Variants in SGCE observed in about 807,000 individuals in gnomAD.
SGCE encodes epsilon-sarcoglycan.
A neutral mutation model predicts 57.8 loss-of-function variants in SGCE; 26 were observed. The ratio of observed to expected loss-of-function variants is 0.45; its 90% CI spans 0.33 to 0.62. SGCE has a LOEUF of 0.62. Among genes scored for constraint, SGCE ranks in the 20% least tolerant of loss-of-function variants. SGCE has a pLI of 0.02. For synonymous variants in SGCE, 183 were observed against 189.5 expected (o/e 0.97, Z 0.28); for missense variants, 468 against 548.6 (o/e 0.85, Z 1.47).
At chr7:94,642,145 G>A (rs1281813131) in intron 1 of SGCE, among the ~76,000 whole-genome samples, 1 of 151,910 alleles carries the variant, frequency 6.6e-6, no homozygotes, top group South Asian at 2.1e-4. Flanking sequence ...AAAATCCACA[G>A]CACCCCCCAA....
At chr7:94,617,005 A>T (rs1170851001) in intron 5 of SGCE, 1 of 152,230 alleles carries the variant, frequency 6.6e-6, no homozygotes, top group Non-Finnish European at 1.5e-5. Context: ...ATCTGACGGC[A>T]TGTGCCACCC....
At chr7:94,643,013 A>AC (rs1806608302) in intron 1 of SGCE, among the ~76,000 whole-genome samples, 1 of 152,194 alleles carries the variant, frequency 6.6e-6, no homozygotes. Flanking sequence ...TTCTCCATGA[A>AC]CTGGGTAGTT....
At chr7:94,649,355 C>A (rs966535176) in intron 1 of SGCE, among the ~76,000 whole-genome samples, 1 of 152,134 alleles carries the variant, frequency 6.6e-6, no homozygotes, top group Non-Finnish European at 1.5e-5. Context: ...ATCATGCCAG[C>A]AACTAATGTT....
At chr7:94,626,543 T>A (rs1803741407) in intron 3 of SGCE, 1 of 152,060 alleles carries the variant, frequency 6.6e-6, no homozygotes, top group Non-Finnish European at 1.5e-5. Flanking sequence ...ATGCTATTCA[T>A]GTGTAGAAAT....
intron 1 of SGCE, among the ~76,000 whole-genome samples, chr7:94,640,578 G>A (rs1806241812): frequency 1.3e-5 from 2 of 152,112 alleles, no homozygotes; most frequent in South Asian, 4.2e-4. Flanking sequence ...TAAGTTCCTT[G>A]TGGATTCAGC....
chr7:94,616,154 T>C (rs1016024574), intron 5 of SGCE, among the ~76,000 whole-genome samples: 17 of 152,144 alleles, frequency 1.1e-4, no homozygotes, highest in Non-Finnish European at 1.8e-4. Context: ...TGCTGCAGGT[T>C]GGGCTCATGG....
At chr7:94,655,888 G>A in intron 1 of SGCE, 102 bp downstream of exon 1, 2 of 720,832 alleles carry the variant, frequency 2.8e-6, no homozygotes, top group African/African-American at 1.7e-5. Flanking sequence ...AAGAGAGGCT[G>A]GTGCCCAAAG....
intron 4 of SGCE, 186 bp from the exon 5 acceptor site, chr7:94,619,142 A>G (rs1025464702): frequency 1.0e-5 from 6 of 595,476 alleles, no homozygotes; most frequent in African/African-American, 9.3e-5. Flanking sequence ...GACATTAGAA[A>G]CAGAACTTTA....
intron 6 of SGCE, among the ~76,000 whole-genome samples, chr7:94,602,453 A>G (rs1799414099): frequency 1.3e-5 from 2 of 152,110 alleles, no homozygotes; most frequent in South Asian, 4.1e-4. Context: ...TTTATGTGTC[A>G]ATAACTTTGT....
chr7:94,623,417 A>T lies in SGCE; in HGVS notation c.391-20T>A. Reference sequence around the variant, plus strand: ...AGTTATCTATTATAAAAGGAAAACCATATTAAAGAAGTGAAATGTTCTTTG... The same window carrying T: ...AGTTATCTATTATAAAAGGAAAACCTTATTAAAGAAGTGAAATGTTCTTTG... On this transcript the variant is annotated intron_variant, in intron 3 of 10. Transcript: ENST00000648936. The T allele has an allele frequency of 6.7e-7, 1 of 1,485,144 alleles. No homozygotes were observed. 92.0% of individuals were successfully genotyped at this position (1,485,144 alleles called of 1,614,324 possible). A position where few individuals can be genotyped will look rare whatever the true frequency, so the allele number is the denominator to read the frequency against.
intron 5 of SGCE, among the ~76,000 whole-genome samples, chr7:94,604,341 C>T (rs1323245156): frequency 6.6e-6 from 1 of 151,888 alleles, no homozygotes; most frequent in South Asian, 2.1e-4. Flanking sequence ...AAAATTCTAG[C>T]TGCCTTCTTT....
intron 3 of SGCE, 64 bp from the exon 4 acceptor site, chr7:94,623,461 G>A: frequency 9.9e-7 from 1 of 1,011,398 alleles, no homozygotes; most frequent in Non-Finnish European, 1.5e-6. Flanking sequence ...AATTCATTAA[G>A]GATTAAAATG....
At chr7:94,613,428 C>A (rs1457710650) in intron 5 of SGCE, among the ~76,000 whole-genome samples, 1 of 152,092 alleles carries the variant, frequency 6.6e-6, no homozygotes, top group Admixed American at 6.5e-5. Flanking sequence ...TTTCAAATTT[C>A]AAATGTGTAT....
chr7:94,585,469 A>C lies in SGCE; in HGVS notation c.*30T>G. On this transcript the variant is annotated 3_prime_UTR_variant, in exon 11 of 11. Transcript: ENST00000648936. Reference sequence around the variant, plus strand: ...TGTAACTGCTATATTGTCTGATTATAAATTCATTGCTTCAGTCAGTTTTCT... The same window carrying C: ...TGTAACTGCTATATTGTCTGATTATCAATTCATTGCTTCAGTCAGTTTTCT... 1 of 1,596,414 alleles carries C rather than the reference A, an allele frequency of 6.3e-7. No individual in the cohort carries two copies. The highest frequency in any genetic ancestry group is 8.6e-7 in the Non-Finnish European group (1 of 1,164,062).
At chr7:94,587,900 GACTT>G (rs1229789276) in intron 10 of SGCE, 29 of 1,488,810 alleles carry the variant, frequency 1.9e-5, no homozygotes, top group Admixed American at 2.6e-5. Flanking sequence ...GTTTTTAAGA[GACTT>G]ACTTAATAGT....
chr7:94,611,946 A>G lies in SGCE; in HGVS notation c.662+6812T>C, dbSNP rs550026317. On this transcript the variant is annotated intron_variant, in intron 5 of 10. Transcript: ENST00000648936. ...TTAAAAATTCAGAACAAAAGTAGAG[A>G]TGAGAAACCATTGGTATTTAGATGA... is the stretch of plus-strand genomic sequence containing the variant. Among the ~76,000 whole-genome samples, 75 of 152,336 alleles carry G rather than the reference A, an allele frequency of 4.9e-4. 1 individual carries two copies. Among genetic ancestry groups the G allele is most frequent in the African/African-American group, 1.8e-3 (73 of 41,588 alleles).
intron 2 of SGCE, chr7:94,628,666 G>T (rs938202974): frequency 2.9e-6 from 1 of 345,552 alleles, no homozygotes; most frequent in Non-Finnish European, 5.4e-6. Flanking sequence ...TCTTTCAGGA[G>T]AATTCCCTAA....
At chr7:94,633,158 A>G (rs960281139) in intron 1 of SGCE, among the ~76,000 whole-genome samples, 3 of 152,020 alleles carry the variant, frequency 2.0e-5, no homozygotes, top group African/African-American at 7.2e-5. Context: ...CTGCAAATCC[A>G]TTACCTCTGC....
chr7:94,633,932 T>G (rs747952007), intron 1 of SGCE, among the ~76,000 whole-genome samples: 1 of 152,196 alleles, frequency 6.6e-6, no homozygotes, highest in Non-Finnish European at 1.5e-5. Context: ...CACTTGCCAG[T>G]TCTTTTTCTG....
Sources: allele counts gnomAD v4.1 joint callset (sites outside exome capture counted in the v4.1 genomes callset), GRCh38; gene constraint gnomAD v4.1.1; transcripts MANE v1.5; gene names NCBI Gene and HGNC (gene_info 2026-07-23, HGNC 2026-07-21).